Variants in NAA30 observed in about 807,000 individuals in gnomAD.
NAA30 encodes N-alpha-acetyltransferase 30.
In NAA30, 5 loss-of-function variants were observed where a neutral mutation model predicts 31.4. The observed-to-expected ratio is 0.16, with a 90% confidence interval of 0.08 to 0.33. The LOEUF is 0.33. Ranked by LOEUF, NAA30 falls within the 10% of genes least tolerant of loss-of-function variation. The pLI is 1.00. For synonymous variants in NAA30, 222 were observed against 207.1 expected (o/e 1.07, Z -0.62); for missense variants, 428 against 490.8 (o/e 0.87, Z 1.21).
chr14:57,403,594 A>G (rs894032161), intron 4 of NAA30, among the ~76,000 whole-genome samples: 3 of 152,242 alleles, frequency 2.0e-5, no homozygotes, highest in African/African-American at 7.2e-5. Context: ...AAAAAATTAT[A>G]GTATCAAAAC....
chr14:57,408,225 A>G (rs1199518093), intron 4 of NAA30, among the ~76,000 whole-genome samples: 1 of 152,106 alleles, frequency 6.6e-6, no homozygotes, highest in Non-Finnish European at 1.5e-5. Flanking sequence ...CCCACTCCAA[A>G]CACTTGAGGG....
chr14:57,407,375 G>A (rs987341010), intron 4 of NAA30, among the ~76,000 whole-genome samples: 1 of 152,156 alleles, frequency 6.6e-6, no homozygotes, highest in Admixed American at 6.5e-5. Flanking sequence ...GGGCTTACCA[G>A]CTAGGAGAGA....
chr14:57,394,018 A>G (rs528438112), intron 2 of NAA30, among the ~76,000 whole-genome samples: 17 of 152,106 alleles, frequency 1.1e-4, no homozygotes, highest in African/African-American at 3.4e-4. Flanking sequence ...TAATGGGTCA[A>G]TGGAGTATAT....
At chr14:57,409,225 T>TTGA (rs1449644209) in intron 4 of NAA30, among the ~76,000 whole-genome samples, 154 bp from the exon 5 acceptor site, 1 of 152,232 alleles carries the variant, frequency 6.6e-6, no homozygotes, top group Non-Finnish European at 1.5e-5. Flanking sequence ...TATTACAATC[T>TTGA]TGATGACTGT....
chr14:57,402,818 C>T (rs544399005), intron 4 of NAA30, among the ~76,000 whole-genome samples: 1 of 152,168 alleles, frequency 6.6e-6, no homozygotes, highest in East Asian at 1.9e-4. Flanking sequence ...TTTTCTACTA[C>T]TTAGGTTATT....
chr14:57,395,989 T>C (rs1391397237), intron 2 of NAA30, among the ~76,000 whole-genome samples: 1 of 152,232 alleles, frequency 6.6e-6, no homozygotes, highest in African/African-American at 2.4e-5. Flanking sequence ...TTTTTTCTTT[T>C]ATTGAGATGG....
rs377631674 is a variant in NAA30, at chr14:57,404,318, T to TCACA, written c.951+4448_951+4451dup. ...GCCTGGGGGCCAGAGCAAGACTCCA[T>TCACA]CACACACACACACACAAAAAGAGTT... On this transcript the variant is annotated intron_variant, in intron 4 of 4. Transcript: ENST00000556492. Among the ~76,000 whole-genome samples the TCACA allele has an allele frequency of 3.3e-5, 5 of 151,224 alleles. No homozygotes were observed. The East Asian group carries it at 5.8e-4, about 18-fold the overall frequency.
At chr14:57,394,169 A>G (rs532132818) in intron 2 of NAA30, among the ~76,000 whole-genome samples, 2 of 150,048 alleles carry the variant, frequency 1.3e-5, no homozygotes, top group Non-Finnish European at 3.0e-5. Flanking sequence ...GTACTTAACC[A>G]TTTTATCTTT....
intron 4 of NAA30, among the ~76,000 whole-genome samples, chr14:57,405,741 G>A (rs2066495874): frequency 6.6e-6 from 1 of 152,210 alleles, no homozygotes; most frequent in South Asian, 2.1e-4. Context: ...AATAGCAGTG[G>A]AAGGGCTTCT....
At position 57,391,007 on chromosome 14, in the gene NAA30, C is replaced by T. The variant is rs1331447051; in HGVS notation, c.50C>T (p.Pro17Leu). 3 of 1,498,844 alleles carry T rather than the reference C, an allele frequency of 2.0e-6. No homozygotes were observed. The highest frequency in any genetic ancestry group is 2.6e-6 in the Non-Finnish European group (3 of 1,132,512). The allele number at this position is 1,498,844 out of a possible 1,614,324, so 92.8% of individuals were successfully genotyped here. A position where few individuals can be genotyped will look rare whatever the true frequency, so the allele number is the denominator to read the frequency against. The change falls in exon 2 of 5, where the codon CCT becomes CTT. Residue 17 changes from proline to leucine, a missense_variant. By Grantham distance (98) the Pro-to-Leu change is moderately conservative. Around this residue, in one of 2 missense-constraint regions of NAA30, gnomAD observed 349 missense variants for 310.4 expected, o/e 1.12. Coordinates refer to ENST00000556492, the MANE Select transcript of NAA30 (RefSeq NM_001011713.3). This position sits in a 1 kb window ranked among gnomAD's most constrained non-coding sequence, Gnocchi z 4.1. ...AGCAGCCTCCTCCCACCACCAGCAC[C>T]TCCGGCCCCGGCGGCGGTCGAGCCC... ...GPSSLLPPPA[P>L]PAPAAVEPRC... is the part of the protein sequence containing the mutation.
In NAA30 at chr14:57,391,165, C is replaced by G. The variant is rs545815593; in HGVS notation, c.208C>G (p.Pro70Ala). Residue 70 changes from proline to alanine, a missense_variant, in exon 2 of 5, where the codon CCG (proline) becomes GCG (alanine). Around this residue, in one of 2 missense-constraint regions of NAA30, gnomAD observed 349 missense variants for 310.4 expected, o/e 1.12. Coordinates refer to ENST00000556492, the MANE Select transcript of NAA30 (RefSeq NM_001011713.3). This position sits in a 1 kb window ranked among gnomAD's most constrained non-coding sequence, Gnocchi z 4.1. Reference sequence around the variant, plus strand: ...GGCGACGGTGGCGGCCAAGGGGCATCCGTGCCTCCGCTGCCCTCAGCCGCC... The same window carrying G: ...GGCGACGGTGGCGGCCAAGGGGCATGCGTGCCTCCGCTGCCCTCAGCCGCC... ...ESATVAAKGHPCLRCPQPPQE... is the reference protein window; with the variant it reads ...ESATVAAKGHACLRCPQPPQE... The G allele has an allele frequency of 6.2e-7, 1 of 1,607,588 alleles. No individual in the cohort carries two copies. Among genetic ancestry groups the G allele is most frequent in the Non-Finnish European group, 8.5e-7 (1 of 1,178,514 alleles).
At position 57,391,034 on chromosome 14, in the gene NAA30, G is replaced by T; in HGVS notation, c.77G>T (p.Arg26Leu). ...CCGGCCCCGGCGGCGGTCGAGCCCC[G>T]CTGTCCCTTCCCGGCGGGGGCCGCC... The part of the protein sequence containing the change: ...APPAPAAVEP[R>L]CPFPAGAALA... Residue 26 changes from arginine (R) to leucine (L), a missense_variant, in exon 2 of 5, where the codon CGC (arginine) becomes CTC (leucine). Transcript: ENST00000556492. This position sits in a 1 kb window ranked among gnomAD's most constrained non-coding sequence, Gnocchi z 4.1. 6.6e-7 allele frequency: 1 copy of T among 1,510,818 alleles called. No individual in the cohort carries two copies. The highest frequency in any genetic ancestry group is 8.8e-7 in the Non-Finnish European group (1 of 1,137,318). 93.6% of individuals were successfully genotyped at this position (1,510,818 alleles called of 1,614,324 possible).
At chr14:57,402,052 T>G (rs1299781808) in intron 4 of NAA30, among the ~76,000 whole-genome samples, 1 of 152,222 alleles carries the variant, frequency 6.6e-6, no homozygotes, top group East Asian at 1.9e-4. Context: ...ATTAGATAAC[T>G]TTGTCTTGGT....
intron 4 of NAA30, among the ~76,000 whole-genome samples, chr14:57,407,367 G>T (rs1157507964): frequency 6.6e-6 from 1 of 152,112 alleles, no homozygotes; most frequent in Non-Finnish European, 1.5e-5. Flanking sequence ...CTGTTGTTGG[G>T]CTTACCAGCT....
intron 2 of NAA30, among the ~76,000 whole-genome samples, chr14:57,395,920 G>T (rs2139759398): frequency 6.6e-6 from 1 of 152,108 alleles, no homozygotes; most frequent in South Asian, 2.1e-4. Flanking sequence ...TACCATTCAG[G>T]TGTAAATATG....
chr14:57,409,498 T>G lies in NAA30; in HGVS notation c.1071T>G (p.Leu357=). 6.2e-7 allele frequency: 1 copy of G among 1,602,378 alleles called. No homozygotes were observed. Among genetic ancestry groups the G allele is most frequent in the South Asian group, 1.1e-5 (1 of 88,086 alleles). The part of the protein sequence containing the change: ...YYLNGVDALR[L]KLWLR ...TAAATGGAGTTGATGCACTGCGACT[T>G]AAACTGTGGCTGCGTTGAGAAACTG... Residue 357 remains leucine (L), a synonymous_variant, in exon 5 of 5, where the codon CTT becomes CTG. Transcript: ENST00000556492.
chr14:57,402,103 G>A (rs1309584740), intron 4 of NAA30, among the ~76,000 whole-genome samples: 3 of 152,148 alleles, frequency 2.0e-5, no homozygotes, highest in African/African-American at 4.8e-5. Flanking sequence ...TATTCAGATC[G>A]AATAATTTGC....
chr14:57,409,157 A>G (rs2066512149), intron 4 of NAA30, among the ~76,000 whole-genome samples: 1 of 152,206 alleles, frequency 6.6e-6, no homozygotes, highest in African/African-American at 2.4e-5. Context: ...AACTACACAA[A>G]TCAGTAGAAC....
chr14:57,404,923 C>T (rs1203705082), intron 4 of NAA30, among the ~76,000 whole-genome samples: 1 of 152,120 alleles, frequency 6.6e-6, no homozygotes, highest in African/African-American at 2.4e-5. Flanking sequence ...GAGACACAGC[C>T]AAACAGTATC....
Sources: gnomAD v4.1 joint callset for allele counts (sites outside exome capture counted in the v4.1 genomes callset) on GRCh38, gnomAD v4.1.1 for gene constraint, gnomAD v4.1.1 regional missense constraint, Gnocchi (gnomAD v3.1) non-coding constraint, MANE v1.5 for transcripts, NCBI Gene and HGNC (gene_info 2026-07-23, HGNC 2026-07-21) for gene names.